The following BTRC variants were observed in gnomAD, a reference collection of about 807,000 sequenced individuals.
The protein encoded by BTRC is beta-transducin repeat containing E3 ubiquitin protein ligase.
Under a neutral mutation model 85.5 loss-of-function variants are expected in BTRC, and 42 were observed. The observed-to-expected ratio is 0.49, with a 90% CI of 0.38 to 0.64. BTRC has a LOEUF of 0.64. BTRC is among the 30% of genes least tolerant of loss of function. The probability of loss-of-function intolerance (pLI) is 0.00; values close to 1 mark genes in which losing one functional copy is unlikely to be tolerated. For missense variants in BTRC, 594 were observed against 743.5 expected (o/e 0.80, Z 2.34); for synonymous variants, 255 against 263.3 (o/e 0.97, Z 0.30).
At chr10:101,380,177 T>C (rs927897731) in intron 1 of BTRC, among the ~76,000 whole-genome samples, 37 of 152,290 alleles carry the variant, frequency 2.4e-4, no homozygotes, top group African/African-American at 8.4e-4. Context: ...GTCATAGATA[T>C]TGGGCATGTT....
chr10:101,457,366 G>C (rs989928235), intron 2 of BTRC, among the ~76,000 whole-genome samples: 2 of 152,214 alleles, frequency 1.3e-5, no homozygotes, highest in African/African-American at 4.8e-5. Flanking sequence ...GTCAGGAGCA[G>C]ACAATGTCAA....
At chr10:101,391,643 A>G (rs1943238870) in intron 1 of BTRC, among the ~76,000 whole-genome samples, 1 of 152,178 alleles carries the variant, frequency 6.6e-6, no homozygotes, top group South Asian at 2.1e-4. Flanking sequence ...TAAATTTGGG[A>G]AATTTGCTCT....
At chr10:101,411,051 A>G (rs1023251436) in intron 1 of BTRC, among the ~76,000 whole-genome samples, 8 of 145,026 alleles carry the variant, frequency 5.5e-5, no homozygotes, top group African/African-American at 1.8e-4. Context: ...GCTAAAGTGC[A>G]CTGGGGCAAT....
chr10:101,422,333 G>A (rs545809880), intron 1 of BTRC, among the ~76,000 whole-genome samples: 180 of 152,128 alleles, frequency 1.2e-3, no homozygotes, highest in Non-Finnish European at 1.8e-3. Context: ...TTTTTTTCTT[G>A]TAAATTTGTT....
chr10:101,532,795 T>C (rs200672536), intron 8 of BTRC, among the ~76,000 whole-genome samples, 157 bp from the exon 9 acceptor site: 10 of 60,776 alleles, frequency 1.6e-4, no homozygotes, highest in East Asian at 7.6e-4. Context: ...TGTGTGCGCG[T>C]GTGCGCGCGC....
rs1241175190 is a variant in BTRC, at chr10:101,554,896, C to G, written c.*1773C>G. On this transcript the variant is annotated 3_prime_UTR_variant, in exon 15 of 15. Coordinates refer to ENST00000370187, the MANE Select transcript of BTRC (RefSeq NM_033637.4). ...AAGGTGTACCCACTGAATGTTGTTACTACATATTGAGAGTCATTTTATGCA... is the reference window on the plus strand; with the variant it reads ...AAGGTGTACCCACTGAATGTTGTTAGTACATATTGAGAGTCATTTTATGCA... 6.6e-6 allele frequency: 1 copy of G among 152,218 alleles called. No individual in the cohort carries two copies. The highest frequency in any genetic ancestry group is 1.5e-5 in the Non-Finnish European group (1 of 68,036). The allele number at this position is 152,218 out of a possible 1,614,324, so 9.4% of individuals were successfully genotyped here.
chr10:101,478,015 A>G (rs1404206783), intron 3 of BTRC, among the ~76,000 whole-genome samples: 1 of 152,116 alleles, frequency 6.6e-6, no homozygotes, highest in Non-Finnish European at 1.5e-5. Context: ...TAAGGTCTAG[A>G]TAGGCCCAGT....
At chr10:101,510,199 A>C (rs1196891750) in intron 4 of BTRC, among the ~76,000 whole-genome samples, 1 of 150,920 alleles carries the variant, frequency 6.6e-6, no homozygotes, top group Admixed American at 6.6e-5. Flanking sequence ...AAATAATCGG[A>C]AAAAGATCTT....
chr10:101,522,354 A>T (rs1277533992), intron 5 of BTRC, among the ~76,000 whole-genome samples: 1 of 46,146 alleles, frequency 2.2e-5, no homozygotes, highest in African/African-American at 1.8e-4. Flanking sequence ...TAAAGCTTTA[A>T]AAAAAAAAAA....
At chr10:101,434,319 A>G (rs1944472344) in intron 2 of BTRC, among the ~76,000 whole-genome samples, 1 of 152,188 alleles carries the variant, frequency 6.6e-6, no homozygotes, top group Non-Finnish European at 1.5e-5. Context: ...TTCCTCTGTT[A>G]TTGTATTAAA....
chr10:101,506,719 A>G (rs933694717), intron 4 of BTRC, among the ~76,000 whole-genome samples: 18 of 152,230 alleles, frequency 1.2e-4, no homozygotes, highest in Admixed American at 2.6e-4. Context: ...AACCCTAGGT[A>G]TGCAAGGTGG....
intron 1 of BTRC, among the ~76,000 whole-genome samples, chr10:101,392,321 T>C (rs1943255675): frequency 6.6e-6 from 1 of 152,152 alleles, no homozygotes; most frequent in Non-Finnish European, 1.5e-5. Flanking sequence ...TTTTGCAATA[T>C]GCCCAAAGAG....
At position 101,550,886 on chromosome 10, in the gene BTRC, GC is replaced by G. The variant is rs1431313088; in HGVS notation, c.*29del. The stretch of plus-strand genomic sequence containing the variant: ...ATAACCATACACTGACCTCATACTT[GC>G]CCAGGTATCGAAATCGATTATGTAC... On this transcript the variant is annotated 3_prime_UTR_variant, in exon 14 of 15. Coordinates refer to ENST00000370187, the MANE Select transcript of BTRC (RefSeq NM_033637.4). The G allele has an allele frequency of 6.3e-7, 1 of 1,596,742 alleles. No individual in the cohort carries two copies. Among genetic ancestry groups the G allele is most frequent in the Admixed American group, 1.7e-5 (1 of 59,630 alleles).
intron 3 of BTRC, among the ~76,000 whole-genome samples, chr10:101,475,954 T>TATA (rs1554884571): frequency 1.1e-4 from 15 of 134,104 alleles, no homozygotes; most frequent in Middle Eastern, 3.8e-3. Flanking sequence ...TATATATATA[T>TATA]TCAGTAATTC....
chr10:101,520,763 G>T (rs2062092680), intron 4 of BTRC, among the ~76,000 whole-genome samples: 1 of 152,148 alleles, frequency 6.6e-6, no homozygotes, highest in Non-Finnish European at 1.5e-5. Context: ...TTCAAGACCA[G>T]CCTGTCCAAC....
chr10:101,354,086 AG>A, upstream of BTRC: 1 of 1,392,270 alleles, frequency 7.2e-7, no homozygotes, highest in Non-Finnish European at 9.9e-7. Flanking sequence ...GGCGGGGGGA[AG>A]GAAGAGGAGG....
chr10:101,522,352 T>TAAAAAAAA (rs34282047), intron 5 of BTRC, among the ~76,000 whole-genome samples: 15 of 42,088 alleles, frequency 3.6e-4, no homozygotes, highest in Non-Finnish European at 5.1e-4. Flanking sequence ...TATAAAGCTT[T>TAAAAAAAA]AAAAAAAAAA....
chr10:101,466,589 C>A (rs1945379091), intron 3 of BTRC, among the ~76,000 whole-genome samples: 1 of 152,164 alleles, frequency 6.6e-6, no homozygotes, highest in Non-Finnish European at 1.5e-5. Context: ...CCATCCTCTT[C>A]AAGGATACTT....
At chr10:101,473,137 T>C (rs1945578973) in intron 3 of BTRC, among the ~76,000 whole-genome samples, 1 of 151,428 alleles carries the variant, frequency 6.6e-6, no homozygotes, top group Non-Finnish European at 1.5e-5. Context: ...AGACCGATCT[T>C]TTTTTTTTCT....
Sources: gnomAD v4.1 joint callset for allele counts (sites outside exome capture counted in the v4.1 genomes callset) on GRCh38, gnomAD v4.1.1 for gene constraint, MANE v1.5 for transcripts, NCBI Gene and HGNC (gene_info 2026-07-23, HGNC 2026-07-21) for gene names.